PTBP3: variants seen among roughly 807,000 people sequenced by gnomAD.
PTBP3 encodes the protein polypyrimidine tract binding protein 3.
A neutral mutation model predicts 58.7 loss-of-function variants in PTBP3; 20 were observed. The ratio of observed to expected loss-of-function variants is 0.34; its 90% CI spans 0.24 to 0.50. The LOEUF is 0.50. Ranked by LOEUF, PTBP3 falls within the 20% of genes least tolerant of loss-of-function variation. PTBP3 has a pLI of 0.98. For missense variants in PTBP3, 509 were observed against 637.2 expected (o/e 0.80, Z 2.17); for synonymous variants, 185 against 219.8 (o/e 0.84, Z 1.40).
chr9:112,332,557 A>G (rs1830417504), intron 1 of PTBP3, among the ~76,000 whole-genome samples: 2 of 152,168 alleles, frequency 1.3e-5, no homozygotes, highest in South Asian at 4.1e-4. Context: ...TTTTTTTTTA[A>G]TCCGTAGGTA....
At chr9:112,363,639 A>C in the PTBP3 span, among the ~76,000 whole-genome samples, 1 of 151,808 alleles carries the variant, frequency 6.6e-6, no homozygotes, top group Non-Finnish European at 1.5e-5. Context: ...TATTTATTCT[A>C]TTAATTGATC....
the PTBP3 span, among the ~76,000 whole-genome samples, chr9:112,339,245 C>A: frequency 7.7e-5 from 10 of 130,678 alleles, no homozygotes; most frequent in Admixed American, 4.8e-4. Flanking sequence ...GAGCTGAGAT[C>A]GTGACACTGC....
chr9:112,343,610 T>C, the PTBP3 span, among the ~76,000 whole-genome samples: 1 of 151,932 alleles, frequency 6.6e-6, no homozygotes, highest in Non-Finnish European at 1.5e-5. Flanking sequence ...GCCAACATGG[T>C]GAAACCCCGT....
At chr9:112,361,208 T>C in the PTBP3 span, among the ~76,000 whole-genome samples, 1 of 152,152 alleles carries the variant, frequency 6.6e-6, no homozygotes, top group East Asian at 1.9e-4. Context: ...ATGATTCTCT[T>C]GCCTCAGCCT....
At chr9:112,318,702 G>A (rs1487786724) in intron 1 of PTBP3, among the ~76,000 whole-genome samples, 2 of 151,720 alleles carry the variant, frequency 1.3e-5, no homozygotes, top group Non-Finnish European at 2.9e-5. Flanking sequence ...AGAGGTTGCA[G>A]TGAGCTGACA....
At chr9:112,348,808 C>T in the PTBP3 span, among the ~76,000 whole-genome samples, 1 of 152,182 alleles carries the variant, frequency 6.6e-6, no homozygotes, top group South Asian at 2.1e-4. Context: ...GCTGCAGATC[C>T]GCTAACAATA....
At chr9:112,290,628 C>T (rs1210717126) in intron 2 of PTBP3, among the ~76,000 whole-genome samples, 6 of 147,870 alleles carry the variant, frequency 4.1e-5, no homozygotes, top group Non-Finnish European at 6.0e-5. Context: ...GCCGAGACCA[C>T]GCCACTGCAT....
At chr9:112,245,718 G>C (rs2132048980) in intron 7 of PTBP3, among the ~76,000 whole-genome samples, 1 of 152,298 alleles carries the variant, frequency 6.6e-6, no homozygotes, top group East Asian at 1.9e-4. Context: ...GGAATATCTA[G>C]TGCTAGAAAG....
chr9:112,270,876 A>G (rs1827357065), intron 3 of PTBP3, among the ~76,000 whole-genome samples: 1 of 152,138 alleles, frequency 6.6e-6, no homozygotes. Flanking sequence ...GGAGAGCAGT[A>G]GCGTGATCTT....
chr9:112,283,570 T>C (rs1285057646), intron 2 of PTBP3, among the ~76,000 whole-genome samples: 2 of 152,180 alleles, frequency 1.3e-5, no homozygotes, highest in African/African-American at 2.4e-5. Flanking sequence ...TGATAGAGCA[T>C]AAAGGTTTGG....
At chr9:112,348,508 A>T in the PTBP3 span, among the ~76,000 whole-genome samples, 198 of 152,366 alleles carry the variant, frequency 1.3e-3, no homozygotes, top group African/African-American at 4.7e-3. Context: ...TTCGGTAAAC[A>T]CACAGAGCAT....
the PTBP3 span, among the ~76,000 whole-genome samples, chr9:112,346,389 A>C: frequency 6.6e-6 from 1 of 151,474 alleles, no homozygotes; most frequent in Non-Finnish European, 1.5e-5. Flanking sequence ...TGAGTCTCGA[A>C]CTCCTGACCT....
At chr9:112,335,689 G>T (rs1228495533), upstream of PTBP3, among the ~76,000 whole-genome samples, 1 of 142,626 alleles carries the variant, frequency 7.0e-6, no homozygotes, top group African/African-American at 2.5e-5. Context: ...TTGGGAGGCC[G>T]AGGCGGGCAG....
chr9:112,248,662 A>T (rs1171002094), intron 7 of PTBP3, among the ~76,000 whole-genome samples: 2 of 152,028 alleles, frequency 1.3e-5, no homozygotes, highest in Non-Finnish European at 2.9e-5. Context: ...GAGATGGCTT[A>T]AAAAAATTAT....
the PTBP3 span, among the ~76,000 whole-genome samples, chr9:112,372,450 T>A: frequency 0.17 from 25,932 of 152,094 alleles, 2,490 homozygotes; most frequent in East Asian, 0.24. Context: ...AAAGTGAAAT[T>A]TTCATTGACA....
chr9:112,312,387 G>A (rs972784830), intron 1 of PTBP3, among the ~76,000 whole-genome samples: 15 of 150,664 alleles, frequency 1.0e-4, no homozygotes, highest in African/African-American at 3.7e-4. Flanking sequence ...GTCCCCAGCT[G>A]TTCAAGGACT....
intron 5 of PTBP3, among the ~76,000 whole-genome samples, chr9:112,256,649 G>A (rs561121996): frequency 5.7e-4 from 86 of 151,822 alleles, no homozygotes; most frequent in African/African-American, 1.9e-3. Context: ...TCCTGCTTTC[G>A]TCTCCAGAGT....
the PTBP3 span, among the ~76,000 whole-genome samples, chr9:112,355,942 T>TTTTC: frequency 6.6e-6 from 1 of 151,600 alleles, no homozygotes; most frequent in Admixed American, 6.6e-5. Context: ...CTTTCTTTTC[T>TTTTC]TTTCTTTCTT....
the PTBP3 span, among the ~76,000 whole-genome samples, chr9:112,344,374 G>T: frequency 6.6e-6 from 1 of 152,084 alleles, no homozygotes; most frequent in African/African-American, 2.4e-5. Context: ...TAATACTCAA[G>T]AATCCATTAG....
Sources: allele counts gnomAD v4.1 joint callset (sites outside exome capture counted in the v4.1 genomes callset), GRCh38; gene constraint gnomAD v4.1.1; transcripts MANE v1.5; gene names NCBI Gene and HGNC (gene_info 2026-07-23, HGNC 2026-07-21).